MSRA: variants seen among roughly 807,000 people sequenced by gnomAD.
The protein encoded by MSRA is methionine sulfoxide reductase A.
Under a neutral mutation model 31.3 loss-of-function variants are expected in MSRA, and 54 were observed. The ratio of observed to expected loss-of-function variants is 1.73; its 90% CI spans 1.39 to 2.17. The LOEUF (loss-of-function observed/expected upper bound fraction) is 2.17. Among genes scored for constraint, MSRA ranks in the 30% most tolerant of loss-of-function variants. The pLI, the probability that MSRA is intolerant of heterozygous loss-of-function variation, is 0.00. For synonymous variants in MSRA, 169 were observed against 116.5 expected, an observed-to-expected ratio of 1.45 and a Z score of -2.90; for missense variants, 507 against 300.9, an observed-to-expected ratio of 1.69 and a Z score of -5.07.
At chr8:10,081,723 C>A (rs946444968) in intron 1 of MSRA, among the ~76,000 whole-genome samples, 2 of 152,130 alleles carry the variant, frequency 1.3e-5, no homozygotes, top group Admixed American at 6.5e-5. Context: ...CTCCTGACCT[C>A]AGGTGATCTG....
At chr8:10,315,412 C>G (rs942118989) in intron 4 of MSRA, among the ~76,000 whole-genome samples, 1 of 152,216 alleles carries the variant, frequency 6.6e-6, no homozygotes, top group Non-Finnish European at 1.5e-5. Flanking sequence ...GCTGTACTCT[C>G]TTTCTTGACA....
At chr8:10,066,244 C>G (rs898433953) in intron 1 of MSRA, among the ~76,000 whole-genome samples, 1 of 152,122 alleles carries the variant, frequency 6.6e-6, no homozygotes, top group Non-Finnish European at 1.5e-5. Flanking sequence ...GCCTTGGCCT[C>G]CCAGAGTGCT....
Position 10,192,174 on chromosome 8 carries a change from G to A in MSRA, c.143-15659G>A, listed in dbSNP as rs146845347. Among the ~76,000 whole-genome samples the A allele has an allele frequency of 1.4e-4, 22 of 152,282 alleles. No homozygotes were observed. The East Asian group carries it at 2.7e-3, about 19-fold the overall frequency. On this transcript the variant is annotated intron_variant, in intron 1 of 5. Transcript: ENST00000317173. ...AAGTCATAGTCTATCATCCACTCAC[G>A]GAATCAAACCCCCATCACTCCTGTT...
intron 1 of MSRA, among the ~76,000 whole-genome samples, chr8:10,152,945 C>T (rs566089729): frequency 6.6e-6 from 1 of 152,202 alleles, no homozygotes; most frequent in African/African-American, 2.4e-5. Flanking sequence ...AGTCGAGGTT[C>T]CTAGAGTAGT....
At chr8:10,411,326 A>G (rs183968171) in intron 5 of MSRA, 1 of 152,278 alleles carries the variant, frequency 6.6e-6, no homozygotes, top group East Asian at 1.9e-4. Context: ...TTTAAGCTTT[A>G]AAGGAAACTG....
intron 5 of MSRA, among the ~76,000 whole-genome samples, chr8:10,371,945 A>T (rs1805501361): frequency 6.6e-6 from 1 of 152,214 alleles, no homozygotes. Flanking sequence ...ACACATGAGA[A>T]AGTGTAGGGA....
chr8:10,331,036 A>C (rs1255686746), intron 5 of MSRA, among the ~76,000 whole-genome samples: 1 of 152,130 alleles, frequency 6.6e-6, no homozygotes, highest in Non-Finnish European at 1.5e-5. Flanking sequence ...TGAGCACTCT[A>C]TTGCTGTGTT....
intron 5 of MSRA, among the ~76,000 whole-genome samples, chr8:10,408,517 G>A (rs1218357952): frequency 6.6e-6 from 1 of 152,134 alleles, no homozygotes; most frequent in Non-Finnish European, 1.5e-5. Flanking sequence ...TCCAGCCTGG[G>A]CAACAGAGCA....
intron 2 of MSRA, among the ~76,000 whole-genome samples, chr8:10,225,368 A>G (rs1810903126): frequency 1.3e-5 from 2 of 152,142 alleles, no homozygotes. Flanking sequence ...GATTGAATGG[A>G]TTACCCATCT....
chr8:10,269,977 G>A (rs973517917), intron 3 of MSRA, among the ~76,000 whole-genome samples: 13 of 152,310 alleles, frequency 8.5e-5, no homozygotes, highest in South Asian at 4.1e-4. Flanking sequence ...CTCTGTGACC[G>A]TGGAAAAATG....
rs555227893 is a variant in MSRA at position 10,207,999 on chromosome 8, G to A, written c.211+98G>A. 6.1e-5 allele frequency: 54 copies of A among 884,192 alleles called. 1 individual carries two copies. Among genetic ancestry groups the A allele is most frequent in the Non-Finnish European group, 5.7e-5 (33 of 579,146 alleles). 54.8% of individuals were successfully genotyped at this position (884,192 alleles called of 1,614,324 possible). A position where few individuals can be genotyped will look rare whatever the true frequency, so the allele number is the denominator to read the frequency against. On this transcript the variant is annotated intron_variant, in intron 2 of 5. Coordinates refer to ENST00000317173, the MANE Select transcript of MSRA (RefSeq NM_012331.5). Reference sequence around the variant, plus strand: ...GTGTTCTCAGGGCTTCAAAATCTGGGCTCTTCTAGATATTTACAAGTTGTT... The same window carrying A: ...GTGTTCTCAGGGCTTCAAAATCTGGACTCTTCTAGATATTTACAAGTTGTT...
intron 5 of MSRA, among the ~76,000 whole-genome samples, chr8:10,368,848 G>T (rs1292249673): frequency 6.6e-6 from 1 of 152,178 alleles, no homozygotes; most frequent in Non-Finnish European, 1.5e-5. Context: ...TGGGAGACGG[G>T]TCAGTAAATT....
chr8:10,395,025 T>C (rs1228402561), intron 5 of MSRA, among the ~76,000 whole-genome samples: 1 of 152,202 alleles, frequency 6.6e-6, no homozygotes, highest in Admixed American at 6.5e-5. Flanking sequence ...TCAGTCCCTG[T>C]CCTCTAGTTG....
At chr8:10,348,359 T>TC (rs1803917701) in intron 5 of MSRA, among the ~76,000 whole-genome samples, 3 of 111,492 alleles carry the variant, frequency 2.7e-5, no homozygotes, top group Admixed American at 1.8e-4. Context: ...ATTATTGCCT[T>TC]TTTTTTTTTT....
intron 1 of MSRA, among the ~76,000 whole-genome samples, chr8:10,136,366 G>C (rs147490221): frequency 6.6e-6 from 1 of 152,160 alleles, no homozygotes; most frequent in Non-Finnish European, 1.5e-5. Flanking sequence ...AGAAGGTCTC[G>C]TTCATGTTAC....
At chr8:10,283,160 A>ACACACACTCTCTCTCT in intron 3 of MSRA, among the ~76,000 whole-genome samples, 7 of 140,238 alleles carry the variant, frequency 5.0e-5, no homozygotes, top group African/African-American at 1.9e-4. Flanking sequence ...ACACACACAC[A>ACACACACTCTCTCTCT]CTCTCACCCT....
intron 5 of MSRA, among the ~76,000 whole-genome samples, chr8:10,330,679 G>C (rs2129143838): frequency 6.6e-6 from 1 of 152,324 alleles, no homozygotes. Flanking sequence ...GAATCTCCTA[G>C]GAACTCGTCT....
intron 4 of MSRA, among the ~76,000 whole-genome samples, chr8:10,315,021 G>A (rs1426949012): frequency 6.6e-6 from 1 of 152,206 alleles, no homozygotes; most frequent in Non-Finnish European, 1.5e-5. Context: ...GACCAAAGGC[G>A]AAGGAGGAGC....
At chr8:10,168,691 C>T (rs1805351859) in intron 1 of MSRA, among the ~76,000 whole-genome samples, 1 of 152,168 alleles carries the variant, frequency 6.6e-6, no homozygotes, top group African/African-American at 2.4e-5. Flanking sequence ...TGGGATTCGA[C>T]CACACTTCTG....
Sources: allele counts gnomAD v4.1 joint callset (sites outside exome capture counted in the v4.1 genomes callset), GRCh38; gene constraint gnomAD v4.1.1; transcripts MANE v1.5; gene names NCBI Gene and HGNC (gene_info 2026-07-23, HGNC 2026-07-21).